The following CARNS1 variants were observed in gnomAD, a reference collection of about 807,000 sequenced individuals.
CARNS1 encodes ATP-grasp domain containing 1.
A neutral mutation model predicts 74.0 loss-of-function variants in CARNS1; 61 were observed. The ratio of observed to expected loss-of-function variants is 0.82; its 90% confidence interval spans 0.67 to 1.02. The LOEUF (loss-of-function observed/expected upper bound fraction) is 1.02, where lower values mean the gene tolerates loss of function less well. Among genes scored for constraint, CARNS1 ranks in the 50% least tolerant of loss-of-function variants. The pLI, the probability that CARNS1 is intolerant of heterozygous loss-of-function variation, is 0.00. For synonymous variants in CARNS1, 568 were observed against 605.5 expected (o/e 0.94, Z 0.91); for missense variants, 1,278 against 1,308.4 (o/e 0.98, Z 0.36).
intron 3 of CARNS1, 137 bp from the exon 4 acceptor site, chr11:67,418,294 C>A: frequency 5.2e-6 from 3 of 580,210 alleles, no homozygotes; most frequent in Non-Finnish European, 5.7e-6. Flanking sequence ...CCATTCCCTG[C>A]CTGTCCCCTG....
intron 2 of CARNS1, chr11:67,416,416 C>A: frequency 7.2e-7 from 1 of 1,396,294 alleles, no homozygotes; most frequent in Non-Finnish European, 9.3e-7. Flanking sequence ...TCCATGGCCC[C>A]TCAGGGAGCT....
chr11:67,424,277 T>C lies in CARNS1; in HGVS notation c.2529T>C (p.Cys843=), dbSNP rs762958139. ...TGCTGGCTGCTGTTATGGTGGCCTG[T>C]GGCTTGCGTCCTGCCCTGCCCACCC... ...DLLLAAVMVA[C]GLRPALPTRP... Residue 843 remains cysteine, a synonymous_variant, in exon 10 of 10, where the codon TGT becomes TGC. Coordinates refer to ENST00000687366, the MANE Select transcript of CARNS1 (RefSeq NM_001166222.2). 4 of 1,613,078 alleles carry C rather than the reference T, an allele frequency of 2.5e-6. No homozygotes were observed. The South Asian group carries it at 3.3e-5, about 13-fold the overall frequency.
At chr11:67,418,394 C>T (rs903202187) in intron 3 of CARNS1, 37 bp from the exon 4 acceptor site, 27 of 1,393,194 alleles carry the variant, frequency 1.9e-5, no homozygotes, top group East Asian at 1.7e-4. Flanking sequence ...ACAGCAAGGG[C>T]GCCCCTGGTG....
In CARNS1 at chr11:67,423,767, C is replaced by A. The variant is rs1203075084; in HGVS notation, c.2019C>A (p.Val673=). ...RAVHQVPLPG[V]MKLEFGAGAV... Reference sequence around the variant, plus strand: ...TGCACCAGGTACCCCTGCCAGGTGTCATGAAGCTGGAGTTCGGGGCAGGTG... The same window carrying A: ...TGCACCAGGTACCCCTGCCAGGTGTAATGAAGCTGGAGTTCGGGGCAGGTG... Residue 673 remains valine, a synonymous_variant, in exon 10 of 10, where the codon GTC becomes GTA. Transcript: ENST00000687366. The surrounding 1 kb of genome is among the most constrained non-coding windows in gnomAD (Gnocchi z 5.1). The A allele has an allele frequency of 6.3e-7, 1 of 1,593,246 alleles. No individual in the cohort carries two copies. Among genetic ancestry groups the A allele is most frequent in the Non-Finnish European group, 8.5e-7 (1 of 1,174,470 alleles).
chr11:67,417,274 C>G (rs760583900), intron 2 of CARNS1, 133 bp from the exon 3 acceptor site: 88 of 1,239,178 alleles, frequency 7.1e-5, no homozygotes, highest in Non-Finnish European at 8.5e-5. Flanking sequence ...CAAGCCTTTC[C>G]TCTCCTAGTC....
At chr11:67,417,708 T>A (rs1358813096) in intron 3 of CARNS1, 31 bp downstream of exon 3, 3 of 1,239,510 alleles carry the variant, frequency 2.4e-6, no homozygotes, top group Admixed American at 4.2e-5. Context: ...GGGAGGCACC[T>A]CTGGGGGCAG....
rs1345473977 is a variant in CARNS1 at position 67,424,581 on chromosome 11, T to C, written c.2833T>C (p.Phe945Leu). The change falls in exon 10 of 10, where the codon TTC becomes CTC. Residue 945 changes from phenylalanine (F) to leucine (L), a missense_variant. By Grantham distance (22) the Phe-to-Leu change is conservative (BLOSUM62 0). Transcript: ENST00000687366. Reference sequence around the variant, plus strand: ...TGGGCCCAGCTACCCTGTTGCCCACTTCCTGTCTCACTTCAAATAGCACTG... The same window carrying C: ...TGGGCCCAGCTACCCTGTTGCCCACCTCCTGTCTCACTTCAAATAGCACTG... The part of the protein sequence containing the change: ...IDGPSYPVAH[F>L]LSHFK 6.2e-7 allele frequency: 1 copy of C among 1,606,516 alleles called. No homozygotes were observed. Among genetic ancestry groups the C allele is most frequent in the Non-Finnish European group, 8.5e-7 (1 of 1,177,504 alleles).
At position 67,423,669 on chromosome 11, in the gene CARNS1, C is replaced by T. The variant is rs1382379871; in HGVS notation, c.1921C>T (p.Pro641Ser). ...QLHLLHHHGP[P>S]WPAPSLHAVP... is the part of the protein sequence containing the mutation. Reference sequence around the variant, plus strand: ...GCACCTGTTGCACCACCATGGCCCACCCTGGCCTGCGCCCTCCCTCCATGC... The same window carrying T: ...GCACCTGTTGCACCACCATGGCCCATCCTGGCCTGCGCCCTCCCTCCATGC... Residue 641 changes from proline (P) to serine (S), a missense_variant, in exon 10 of 10, where the codon CCC becomes TCC. Physicochemically the swap from Pro to Ser is moderately conservative, Grantham distance 74. This residue lies in a region of CARNS1 where 1,164 missense variants were observed against 1,156.5 expected (regional missense o/e 1.01). Transcript: ENST00000687366. This position sits in a 1 kb window ranked among gnomAD's most constrained non-coding sequence, Gnocchi z 5.1. 9 of 1,600,126 alleles carry T rather than the reference C, an allele frequency of 5.6e-6. No individual in the cohort carries two copies. The highest frequency in any genetic ancestry group is 7.7e-6 in the Non-Finnish European group (9 of 1,176,000).
chr11:67,420,965 G>T lies in CARNS1; in HGVS notation c.1372G>T (p.Gly458Cys). 1 of 1,424,814 alleles carries T rather than the reference G, an allele frequency of 7.0e-7. No homozygotes were observed. Among genetic ancestry groups the T allele is most frequent in the East Asian group, 3.2e-5 (1 of 31,548 alleles). 88.3% of individuals were successfully genotyped at this position (1,424,814 alleles called of 1,614,324 possible). Reference sequence around the variant, plus strand: ...CGTGGATTTCGCGCTGACAGCGGCCGGCGGCGTGCTGACCCCAGTGGCCCT... The same window carrying T: ...CGTGGATTTCGCGCTGACAGCGGCCTGCGGCGTGCTGACCCCAGTGGCCCT... ...LGVDFALTAA[G>C]GVLTPVALEL... The change falls in exon 9 of 10, where the codon GGC becomes TGC. Residue 458 changes from glycine (G) to cysteine (C), a missense_variant. Physicochemically the swap from Gly to Cys is radical, Grantham distance 159 (BLOSUM62 -3). Coordinates refer to ENST00000687366, the MANE Select transcript of CARNS1 (RefSeq NM_001166222.2).
At position 67,415,722 on chromosome 11, in the gene CARNS1, C is replaced by G. The variant is rs35899279; in HGVS notation, c.-66C>G. 13,465 of 154,204 alleles carry G rather than the reference C, an allele frequency of 0.087. 759 individuals carry two copies. The highest frequency in any genetic ancestry group is 0.18 in the East Asian group (913 of 5,194). The allele number at this position is 154,204 out of a possible 1,614,324, so 9.6% of individuals were successfully genotyped here. ...CGCCGCCGCTGCATCCCGCCCGGTC[C>G]GAGTCCGCCCGCCACGCCCGCCGAG... On this transcript the variant is annotated 5_prime_UTR_variant, in exon 1 of 10. Coordinates refer to ENST00000687366, the MANE Select transcript of CARNS1 (RefSeq NM_001166222.2).
chr11:67,420,175 T>C (rs1044154183), intron 7 of CARNS1, among the ~76,000 whole-genome samples: 1 of 152,144 alleles, frequency 6.6e-6, no homozygotes, highest in Non-Finnish European at 1.5e-5. Flanking sequence ...CCTGGACGCC[T>C]TCAGGAGGGG....
Position 67,423,402 on chromosome 11 carries a change from C to T in CARNS1, c.1654C>T (p.His552Tyr), listed in dbSNP as rs376035306. Reference protein sequence around the residue: ...QLHLVESDPNHFASQLVQTFI... With the variant: ...QLHLVESDPNYFASQLVQTFI... ...GCACCTCGTGGAGTCAGACCCCAAC[C>T]ACTTTGCATCCCAGTTGGTACAGAC... The change falls in exon 10 of 10, where the codon CAC becomes TAC. Residue 552 changes from histidine (H) to tyrosine (Y), a missense_variant. Coordinates refer to ENST00000687366, the MANE Select transcript of CARNS1 (RefSeq NM_001166222.2). This position sits in a 1 kb window ranked among gnomAD's most constrained non-coding sequence, Gnocchi z 5.1. 2 of 1,608,732 alleles carry T rather than the reference C, an allele frequency of 1.2e-6. No individual in the cohort carries two copies. The highest frequency in any genetic ancestry group is 2.2e-5 in the East Asian group (1 of 44,762).
Position 67,418,753 on chromosome 11 carries a change from C to A in CARNS1, c.365-3C>A. On this transcript the variant is annotated splice_region_variant and splice_polypyrimidine_tract_variant and intron_variant, in intron 4 of 9. Transcript: ENST00000687366. Reference sequence around the variant, plus strand: ...GCCAGCCACTTGCCTTCTCTGCCCACAGGAAACATGCTCCTTTGCCTGTCC... The same window carrying A: ...GCCAGCCACTTGCCTTCTCTGCCCAAAGGAAACATGCTCCTTTGCCTGTCC... 1 of 1,580,736 alleles carries A rather than the reference C, an allele frequency of 6.3e-7. No homozygotes were observed. The highest frequency in any genetic ancestry group is 8.6e-7 in the Non-Finnish European group (1 of 1,162,296).
Position 67,424,810 on chromosome 11 carries a change from A to G in CARNS1, c.*209A>G. 1 of 634,442 alleles carries G rather than the reference A, an allele frequency of 1.6e-6. No homozygotes were observed. The highest frequency in any genetic ancestry group is 2.8e-6 in the Non-Finnish European group (1 of 359,222). The allele number at this position is 634,442 out of a possible 1,614,324, so 39.3% of individuals were successfully genotyped here. On this transcript the variant is annotated 3_prime_UTR_variant, in exon 10 of 10. Transcript: ENST00000687366. ...GGCCTCTTGCCCTCCCGAAGGCCCC[A>G]GTCCAGCCTACAGCTTCCCCAGCAT...
In CARNS1 at chr11:67,420,634, A is replaced by G; in HGVS notation, c.1139A>G (p.Asp380Gly). Residue 380 changes from aspartate to glycine, a missense_variant, in exon 8 of 10, where the codon GAC becomes GGC. This residue lies in a region of CARNS1 where 1,164 missense variants were observed against 1,156.5 expected (regional missense o/e 1.01). Coordinates refer to ENST00000687366, the MANE Select transcript of CARNS1 (RefSeq NM_001166222.2). The part of the protein sequence containing the change: ...SKVVCGVGRG[D>G]RPLRHHNSLP... ...GTGGTGTGCGGCGTGGGCCGCGGGG[A>G]CCGCCCTCTACGGCACCACAACTCC... The G allele has an allele frequency of 8.1e-7, 1 of 1,240,880 alleles. No homozygotes were observed. Among genetic ancestry groups the G allele is most frequent in the Non-Finnish European group, 1.0e-6 (1 of 992,976 alleles). The allele number at this position is 1,240,880 out of a possible 1,614,324, so 76.9% of individuals were successfully genotyped here.
intron 3 of CARNS1, 115 bp from the exon 4 acceptor site, chr11:67,418,316 T>G: frequency 1.4e-6 from 1 of 692,840 alleles, no homozygotes. Context: ...CTCATCCGAT[T>G]CCTGGGAAAA....
Position 67,420,693 on chromosome 11 carries a change from T to C in CARNS1, c.1198T>C (p.Cys400Arg), listed in dbSNP as rs1231559748. The C allele has an allele frequency of 1.6e-6, 2 of 1,266,522 alleles. No individual in the cohort carries two copies. The highest frequency in any genetic ancestry group is 3.1e-5 in the South Asian group (1 of 32,204). The allele number at this position is 1,266,522 out of a possible 1,614,324, so 78.5% of individuals were successfully genotyped here. ...GACGCTGGAGGTGGCGCTGGCCCAGTGCGGCCTGGGCGAGGAGGCGCAGGT... is the reference window on the plus strand; with the variant it reads ...GACGCTGGAGGTGGCGCTGGCCCAGCGCGGCCTGGGCGAGGAGGCGCAGGT... ...PRTLEVALAQ[C>R]GLGEEAQVAA... The change falls in exon 8 of 10, where the codon TGC becomes CGC. Residue 400 changes from cysteine (C) to arginine (R), a missense_variant. Cys to Arg is a radical substitution (Grantham distance 180, BLOSUM62 -3). This residue lies in a region of CARNS1 where 1,164 missense variants were observed against 1,156.5 expected (regional missense o/e 1.01). Transcript: ENST00000687366.
intron 9 of CARNS1, among the ~76,000 whole-genome samples, chr11:67,422,036 C>T (rs1863720182): frequency 6.6e-6 from 1 of 152,032 alleles, no homozygotes; most frequent in African/African-American, 2.4e-5. Context: ...CGCCCGCCAC[C>T]ACGCCTGGCT....
Position 67,419,739 on chromosome 11 carries a change from C to T in CARNS1, c.1028-14C>T. ...CACTCTGTGCTGGCCTTAGACCTCC[C>T]CGTCTTCCCCCAGATGGTCCTTCAC... is the stretch of plus-strand genomic sequence containing the variant. On this transcript the variant is annotated splice_polypyrimidine_tract_variant and intron_variant, in intron 6 of 9. Transcript: ENST00000687366. 1.3e-6 allele frequency: 2 copies of T among 1,599,742 alleles called. No individual in the cohort carries two copies. Among genetic ancestry groups the T allele is most frequent in the Admixed American group, 1.7e-5 (1 of 58,348 alleles).
Sources: allele counts gnomAD v4.1 joint callset (sites outside exome capture counted in the v4.1 genomes callset), GRCh38; gene constraint gnomAD v4.1.1; regional missense constraint gnomAD v4.1.1; non-coding constraint Gnocchi (gnomAD v3.1); transcripts MANE v1.5; gene names NCBI Gene and HGNC (gene_info 2026-07-23, HGNC 2026-07-21).